PCDHGA5: variants seen among roughly 807,000 people sequenced by gnomAD.
PCDHGA5 encodes the protein protocadherin gamma-A5.
PCDHGA5 carries 36 observed loss-of-function variants against 56.7 expected under a neutral mutation model. The ratio of observed to expected loss-of-function variants is 0.64; its 90% confidence interval spans 0.49 to 0.84. The LOEUF (loss-of-function observed/expected upper bound fraction) is 0.84. Among genes scored for constraint, PCDHGA5 ranks in the 40% least tolerant of loss-of-function variants. The pLI, the probability that PCDHGA5 is intolerant of heterozygous loss-of-function variation, is 0.00. For missense variants in PCDHGA5, 1,305 were observed against 1,201.5 expected, an observed-to-expected ratio of 1.09 and a Z score of -1.27; for synonymous variants, 563 against 520.2, an observed-to-expected ratio of 1.08 and a Z score of -1.12.
Position 141,491,000 on chromosome 5 carries a change from C to T in PCDHGA5, c.2422-3807C>T. 6.2e-7 allele frequency: 1 copy of T among 1,614,142 alleles called. No homozygotes were observed. The highest frequency in any genetic ancestry group is 1.1e-5 in the South Asian group (1 of 91,086). On this transcript the variant is annotated intron_variant, in intron 1 of 3. Transcript: ENST00000518069. The surrounding 1 kb of genome is among the most constrained non-coding windows in gnomAD (Gnocchi z 5.4). ...CTCCCTCGCTCTGCTCCTCCTGGCTCCTTGGTCACCAAGGTGACAGCCGTG... is the reference window on the plus strand; with the variant it reads ...CTCCCTCGCTCTGCTCCTCCTGGCTTCTTGGTCACCAAGGTGACAGCCGTG...
At chr5:141,443,088 T>G (rs188899890) in intron 1 of PCDHGA5, among the ~76,000 whole-genome samples, 1 of 151,974 alleles carries the variant, frequency 6.6e-6, no homozygotes, top group African/African-American at 2.4e-5. Context: ...TGTTCCAGTC[T>G]CCTTCTCAAG....
chr5:141,379,889 C>CTTTTTTTTTTTGTTTT (rs1775949907), intron 1 of PCDHGA5, among the ~76,000 whole-genome samples: 1 of 50,830 alleles, frequency 2.0e-5, no homozygotes, highest in Non-Finnish European at 3.9e-5. Flanking sequence ...GTGAAAGCCT[C>CTTTTTTTTTTTGTTTT]TTTTTTTTTT....
At position 141,477,505 on chromosome 5, in the gene PCDHGA5, C is replaced by T. The variant is rs2099412175; in HGVS notation, c.2422-17302C>T. The T allele has an allele frequency of 5.0e-6, 8 of 1,614,126 alleles. No individual in the cohort carries two copies. Among genetic ancestry groups the T allele is most frequent in the Admixed American group, 1.7e-5 (1 of 60,024 alleles). On this transcript the variant is annotated intron_variant, in intron 1 of 3. Transcript: ENST00000518069. This position sits in a 1 kb window ranked among gnomAD's most constrained non-coding sequence, Gnocchi z 4.9. ...CACAATCTTCTCAATCTTCCTACGACGTTTACATTGAAGAAAACAACCTCC... is the reference window on the plus strand; with the variant it reads ...CACAATCTTCTCAATCTTCCTACGATGTTTACATTGAAGAAAACAACCTCC...
chr5:141,364,423 C>A lies in PCDHGA5; in HGVS notation c.93C>A (p.Ile31=), dbSNP rs773799474. ...GTLCEPGSGQ[I]RYSMPEELDK... ...TGTGCGAGCCAGGATCCGGGCAGAT[C>A]CGCTACTCGATGCCGGAGGAGCTGG... Residue 31 remains isoleucine (I), a synonymous_variant, in exon 1 of 4, where the codon ATC becomes ATA. Coordinates refer to ENST00000518069, the MANE Select transcript of PCDHGA5 (RefSeq NM_018918.3). 6.2e-7 allele frequency: 1 copy of A among 1,613,592 alleles called. No homozygotes were observed. The highest frequency in any genetic ancestry group is 8.5e-7 in the Non-Finnish European group (1 of 1,179,658).
At chr5:141,473,272 A>G (rs2099318396) in intron 1 of PCDHGA5, among the ~76,000 whole-genome samples, 1 of 152,182 alleles carries the variant, frequency 6.6e-6, no homozygotes, top group African/African-American at 2.4e-5. Flanking sequence ...GTATGCTATG[A>G]TTATTTTACT....
intron 1 of PCDHGA5, among the ~76,000 whole-genome samples, chr5:141,461,288 A>G (rs1049761514): frequency 2.0e-5 from 3 of 152,092 alleles, no homozygotes; most frequent in Admixed American, 1.3e-4. Flanking sequence ...CCCCACATCC[A>G]CACCAACATC....
intron 1 of PCDHGA5, chr5:141,418,005 A>G: frequency 6.2e-7 from 1 of 1,613,764 alleles, no homozygotes. Flanking sequence ...GTGGTGGGGA[A>G]CCTCGCTAAG....
intron 1 of PCDHGA5, chr5:141,382,965 C>A (rs1186922348): frequency 2.5e-6 from 4 of 1,608,612 alleles, no homozygotes; most frequent in Non-Finnish European, 3.4e-6. Context: ...TCCTGGGGAC[C>A]CCCTGGGAAG....
chr5:141,385,626 G>T, intron 1 of PCDHGA5: 1 of 1,001,778 alleles, frequency 1.0e-6, no homozygotes, highest in Non-Finnish European at 1.3e-6. Flanking sequence ...ACATTGGAAT[G>T]AATCGAGTCT....
chr5:141,393,776 C>T (rs752900835), intron 1 of PCDHGA5: 10 of 1,613,596 alleles, frequency 6.2e-6, no homozygotes, highest in South Asian at 5.5e-5. Context: ...AAATACAAGC[C>T]GAAGATGTGG....
chr5:141,409,561 C>T (rs1296401858), intron 1 of PCDHGA5: 4 of 1,613,986 alleles, frequency 2.5e-6, no homozygotes, highest in Non-Finnish European at 3.4e-6. Context: ...CAGTTTTCGA[C>T]CAGACGTCCT....
chr5:141,400,322 G>T lies in PCDHGA5; in HGVS notation c.2421+33571G>T, dbSNP rs1025265322. The stretch of plus-strand genomic sequence containing the variant: ...CAACCTGGTCTCTGTGTCAAGTCTG[G>T]ACCTGTGGTTCCCCCCAACTACAGT... On this transcript the variant is annotated intron_variant, in intron 1 of 3. Transcript: ENST00000518069. 1.9e-6 allele frequency: 3 copies of T among 1,613,952 alleles called. No homozygotes were observed. In the African/African-American group the frequency reaches 4.0e-5, roughly 22 times the overall value.
chr5:141,410,849 CTTTTTTTTT>C (rs759346998), intron 1 of PCDHGA5: 2 of 136,714 alleles, frequency 1.5e-5, no homozygotes, highest in African/African-American at 6.3e-5. Context: ...TTGTCTTTGT[CTTTTTTTTT>C]TTTTTTTTTT....
chr5:141,410,091 G>C (rs778509378), intron 1 of PCDHGA5: 8 of 1,612,400 alleles, frequency 5.0e-6, no homozygotes, highest in South Asian at 1.1e-5. Context: ...CGCACGGCTC[G>C]AGCCTTAGGC....
chr5:141,382,821 CAG>C, intron 1 of PCDHGA5: 1 of 1,306,412 alleles, frequency 7.7e-7, no homozygotes, highest in South Asian at 1.5e-5. Context: ...CTTCCTAAGA[CAG>C]AGGGGTCCAC....
chr5:141,422,977 G>A (rs1434523351), intron 1 of PCDHGA5: 1 of 1,614,110 alleles, frequency 6.2e-7, no homozygotes, highest in Non-Finnish European at 8.5e-7. Context: ...CCGCTCTGCG[G>A]AACCTGGCTA....
chr5:141,418,348 T>G (rs2096249125), intron 1 of PCDHGA5: 1 of 1,613,982 alleles, frequency 6.2e-7, no homozygotes, highest in African/African-American at 1.3e-5. Flanking sequence ...CTGATATTAG[T>G]ATGAATTCGC....
chr5:141,447,427 C>T (rs752438597), intron 1 of PCDHGA5, among the ~76,000 whole-genome samples: 2 of 152,174 alleles, frequency 1.3e-5, no homozygotes, highest in Non-Finnish European at 2.9e-5. Context: ...CGTGAGCCAC[C>T]GCACCCGGAG....
intron 1 of PCDHGA5, chr5:141,419,360 C>T (rs763624320): frequency 6.2e-7 from 1 of 1,613,818 alleles, no homozygotes; most frequent in South Asian, 1.1e-5. Flanking sequence ...GTCACGAACG[C>T]TGTCGTCCTA....
Sources: gnomAD v4.1 joint callset for allele counts (sites outside exome capture counted in the v4.1 genomes callset) on GRCh38, gnomAD v4.1.1 for gene constraint, Gnocchi (gnomAD v3.1) non-coding constraint, MANE v1.5 for transcripts, NCBI Gene and HGNC (gene_info 2026-07-23, HGNC 2026-07-21) for gene names.